MED24: variants seen among roughly 807,000 people sequenced by gnomAD.
The protein encoded by MED24 is mediator complex subunit 24.
Under a neutral mutation model 118.8 loss-of-function variants are expected in MED24, and 74 were observed. That is an observed-to-expected ratio of 0.62 (90% confidence interval 0.52 to 0.76). MED24 has a LOEUF of 0.76. Among genes scored for constraint, MED24 ranks in the 30% least tolerant of loss-of-function variants. MED24 has a pLI of 0.00. For missense variants in MED24, 1,041 were observed against 1,278.9 expected, an observed-to-expected ratio of 0.81 and a Z score of 2.84; for synonymous variants, 521 against 523.9, an observed-to-expected ratio of 0.99 and a Z score of 0.08.
At chr17:40,031,828 A>ACACACACTGAAGCACG (rs1173823094) in intron 10 of MED24, among the ~76,000 whole-genome samples, 4 of 152,170 alleles carry the variant, frequency 2.6e-5, no homozygotes, top group African/African-American at 7.2e-5. Flanking sequence ...ACGCTGAAAC[A>ACACACACTGAAGCACG]CACACACTGA....
chr17:40,022,167 C>T, intron 22 of MED24, 113 bp from the exon 23 acceptor site: 1 of 940,356 alleles, frequency 1.1e-6, no homozygotes, highest in Non-Finnish European at 1.6e-6. Context: ...AGCAGGGCCT[C>T]AGCCCCTCTC....
At chr17:40,036,708 C>A (rs1332031541) in intron 3 of MED24, among the ~76,000 whole-genome samples, 5 of 135,334 alleles carry the variant, frequency 3.7e-5, no homozygotes, top group African/African-American at 1.0e-4. Context: ...AAAAAAAAAG[C>A]GCCTGCTACT....
chr17:40,032,509 C>T, intron 9 of MED24, 140 bp downstream of exon 9: 1 of 649,686 alleles, frequency 1.5e-6, no homozygotes. Flanking sequence ...AGAAAATGAT[C>T]AATGGGAACT....
At chr17:40,034,915 C>T (rs1983768273) in intron 6 of MED24, 1 of 1,405,066 alleles carries the variant, frequency 7.1e-7, no homozygotes, top group East Asian at 3.3e-5. Context: ...TCAGTAAATA[C>T]CTGTTGGTTG....
intron 3 of MED24, among the ~76,000 whole-genome samples, chr17:40,037,138 G>T (rs1316773552): frequency 6.6e-6 from 1 of 151,862 alleles, no homozygotes; most frequent in Non-Finnish European, 1.5e-5. Context: ...ACGAAATCTT[G>T]CCACCGCACT....
chr17:40,033,150 G>C lies in MED24; in HGVS notation c.728C>G (p.Thr243Ser), dbSNP rs370934350. The stretch of plus-strand genomic sequence containing the variant: ...CTCGAGCAGGATCACGGCGTGGACA[G>C]TGGGGAAGCCGGTCTTGTGCATCTG... ...AEQMHKTGFP[T>S]VHAVILLEGT... Residue 243 changes from threonine to serine, a missense_variant, in exon 8 of 26, where the codon ACT (threonine) becomes AGT (serine). Coordinates refer to ENST00000394128, the MANE Select transcript of MED24 (RefSeq NM_014815.4). This position sits in a 1 kb window ranked among gnomAD's most constrained non-coding sequence, Gnocchi z 5.2. The C allele has an allele frequency of 6.2e-7, 1 of 1,614,164 alleles. No homozygotes were observed. Among genetic ancestry groups the C allele is most frequent in the East Asian group, 2.2e-5 (1 of 44,886 alleles).
chr17:40,045,377 G>A (rs957041198), intron 3 of MED24, among the ~76,000 whole-genome samples: 2 of 151,830 alleles, frequency 1.3e-5, no homozygotes, highest in African/African-American at 4.8e-5. Flanking sequence ...TGAACCCAGC[G>A]GCGGGGACAG....
At chr17:40,038,028 G>C (rs1372006586) in intron 3 of MED24, among the ~76,000 whole-genome samples, 2 of 152,072 alleles carry the variant, frequency 1.3e-5, no homozygotes, top group Non-Finnish European at 2.9e-5. Flanking sequence ...TCGGAACCAT[G>C]ATATACTCGT....
intron 12 of MED24, among the ~76,000 whole-genome samples, chr17:40,030,775 C>G (rs1201774771): frequency 1.3e-5 from 2 of 152,042 alleles, no homozygotes; most frequent in African/African-American, 4.8e-5. Flanking sequence ...TCTCGTGCCT[C>G]AGCCTCCAGA....
At chr17:40,021,724 G>A (rs530786469) in intron 23 of MED24, among the ~76,000 whole-genome samples, 1 of 152,324 alleles carries the variant, frequency 6.6e-6, no homozygotes, top group East Asian at 1.9e-4. Flanking sequence ...ACAACTGTGG[G>A]CTGGGCTGGA....
At chr17:40,053,100 C>T (rs1009233140) in intron 3 of MED24, among the ~76,000 whole-genome samples, 198 bp downstream of exon 3, 1 of 151,742 alleles carries the variant, frequency 6.6e-6, no homozygotes, top group African/African-American at 2.4e-5. Context: ...GCAGGGGTAA[C>T]TCTTTGTATT....
In MED24 at chr17:40,035,012, T is replaced by A. The variant is rs778307763; in HGVS notation, c.559+105A>T. ...AAAAAGGAAGTGGGATGGTTTCAGA[T>A]CCTCCTGGAAAGAGGTGGGATGGCA... is the stretch of plus-strand genomic sequence containing the variant. On this transcript the variant is annotated intron_variant, in intron 6 of 25. Coordinates refer to ENST00000394128, the MANE Select transcript of MED24 (RefSeq NM_014815.4). The A allele has an allele frequency of 5.0e-6, 8 of 1,612,854 alleles. No individual in the cohort carries two copies. In the African/African-American group the frequency reaches 9.3e-5, roughly 19 times the overall value.
rs757975142 is a variant in MED24 at position 40,019,674 on chromosome 17, G to C, written c.2854-29C>G. ...CCACGGACAGACAGATGCTGCTTGC[G>C]GGACGGCTGGTGGTGGGTGTGCTGT... On this transcript the variant is annotated intron_variant, in intron 25 of 25. Transcript: ENST00000394128. 68 of 1,580,784 alleles carry C rather than the reference G, an allele frequency of 4.3e-5. No individual in the cohort carries two copies. In the Middle Eastern group the frequency reaches 2.0e-3, roughly 47 times the overall value.
chr17:40,020,355 T>C lies in MED24; in HGVS notation c.2624-2A>G. 6.3e-7 allele frequency: 1 copy of C among 1,595,010 alleles called. No individual in the cohort carries two copies. The highest frequency in any genetic ancestry group is 8.5e-7 in the Non-Finnish European group (1 of 1,170,740). Reference sequence around the variant, plus strand: ...GGGAGCTGCTCATGGATCGGTCTGCTGTGGGACGGAGCAGATGGAGCGCTG... The same window carrying C: ...GGGAGCTGCTCATGGATCGGTCTGCCGTGGGACGGAGCAGATGGAGCGCTG... On this transcript the variant is annotated splice_acceptor_variant, in intron 23 of 25. Transcript: ENST00000394128. LOFTEE classifies it high-confidence loss of function.
intron 23 of MED24, chr17:40,021,350 T>C (rs1279340659): frequency 6.6e-6 from 1 of 152,340 alleles, no homozygotes; most frequent in Non-Finnish European, 1.5e-5. Context: ...AGTGTATAGT[T>C]GGTCCCCTAG....
At chr17:40,048,764 A>C (rs1361281694) in intron 3 of MED24, among the ~76,000 whole-genome samples, 1 of 152,070 alleles carries the variant, frequency 6.6e-6, no homozygotes, top group Non-Finnish European at 1.5e-5. Flanking sequence ...CATGTTGACC[A>C]AGCTGGTCTT....
chr17:40,045,219 C>T (rs1293639426), intron 3 of MED24, among the ~76,000 whole-genome samples: 1 of 151,788 alleles, frequency 6.6e-6, no homozygotes, highest in Non-Finnish European at 1.5e-5. Flanking sequence ...GAGGCCGAGG[C>T]GGGCAGATCA....
At chr17:40,034,705 A>T (rs1983746175) in intron 6 of MED24, among the ~76,000 whole-genome samples, 1 of 152,194 alleles carries the variant, frequency 6.6e-6, no homozygotes, top group Non-Finnish European at 1.5e-5. Flanking sequence ...CTTCCAAGCG[A>T]TGAGTAACAT....
At chr17:40,040,343 C>A (rs1984427690) in intron 3 of MED24, among the ~76,000 whole-genome samples, 1 of 152,038 alleles carries the variant, frequency 6.6e-6, no homozygotes. Flanking sequence ...TCCCAAAGTG[C>A]TGGGATTACA....
Sources: gnomAD v4.1 joint callset for allele counts (sites outside exome capture counted in the v4.1 genomes callset) on GRCh38, gnomAD v4.1.1 for gene constraint, Gnocchi (gnomAD v3.1) non-coding constraint, MANE v1.5 for transcripts, NCBI Gene and HGNC (gene_info 2026-07-23, HGNC 2026-07-21) for gene names.